The following MAML3 variants were observed in gnomAD, a reference collection of about 807,000 sequenced individuals.
MAML3 encodes mastermind like transcriptional coactivator 3.
In MAML3, 27 loss-of-function variants were observed where a neutral mutation model predicts 101.9. The ratio of observed to expected loss-of-function variants is 0.27; its 90% CI spans 0.20 to 0.37. The LOEUF is 0.37. MAML3 is among the 10% of genes least tolerant of loss of function. The pLI, the probability that MAML3 is intolerant of heterozygous loss-of-function variation, is 1.00. For synonymous variants in MAML3, 501 were observed against 555.9 expected (o/e 0.90, Z 1.39); for missense variants, 1,316 against 1,444.9 (o/e 0.91, Z 1.45).
At chr4:140,012,492 T>C (rs1459585841) in intron 1 of MAML3, among the ~76,000 whole-genome samples, 1 of 152,242 alleles carries the variant, frequency 6.6e-6, no homozygotes, top group African/African-American at 2.4e-5. Flanking sequence ...ACTTTACTCC[T>C]GTCCAAGGCC....
chr4:140,011,334 C>G (rs1199332860), intron 1 of MAML3, among the ~76,000 whole-genome samples: 2 of 81,016 alleles, frequency 2.5e-5, no homozygotes, highest in Non-Finnish European at 6.0e-5. Context: ...TCAAGGTTTT[C>G]TTGTTTTGTT....
chr4:139,788,189 C>A (rs1049192380), intron 2 of MAML3, among the ~76,000 whole-genome samples: 5 of 152,182 alleles, frequency 3.3e-5, no homozygotes, highest in African/African-American at 1.2e-4. Context: ...ATTGAAAACT[C>A]AGTGAGAAAT....
At chr4:139,798,080 GAA>G (rs1035249341) in intron 2 of MAML3, among the ~76,000 whole-genome samples, 1 of 131,932 alleles carries the variant, frequency 7.6e-6, no homozygotes, top group Non-Finnish European at 1.6e-5. Flanking sequence ...AAGAAAGAAA[GAA>G]AGAAAGAAAG....
At chr4:139,813,863 T>A (rs1221860101) in intron 2 of MAML3, among the ~76,000 whole-genome samples, 1 of 151,976 alleles carries the variant, frequency 6.6e-6, no homozygotes, top group Non-Finnish European at 1.5e-5. Context: ...TGAGAGAAGA[T>A]TCACCCTTCT....
At chr4:139,822,876 T>G (rs1255981195) in intron 2 of MAML3, among the ~76,000 whole-genome samples, 1 of 152,220 alleles carries the variant, frequency 6.6e-6, no homozygotes. Flanking sequence ...AGCACAGCCC[T>G]GATTCTGAAG....
intron 1 of MAML3, among the ~76,000 whole-genome samples, chr4:140,065,962 A>T (rs28458428): frequency 0.028 from 4,266 of 152,244 alleles, 195 homozygotes; most frequent in African/African-American, 0.096. Context: ...AAAAGGATTT[A>T]CTCAAAGTTT....
intron 2 of MAML3, among the ~76,000 whole-genome samples, chr4:139,803,641 C>T (rs1730649473): frequency 6.6e-6 from 1 of 152,068 alleles, no homozygotes; most frequent in African/African-American, 2.4e-5. Flanking sequence ...TGCCACATAC[C>T]CCCACTGTGC....
chr4:140,063,358 G>A (rs1338106916), intron 1 of MAML3, among the ~76,000 whole-genome samples: 1 of 152,166 alleles, frequency 6.6e-6, no homozygotes, highest in African/African-American at 2.4e-5. Context: ...AGTATTTAAA[G>A]ATGCATAGAT....
At chr4:140,102,058 T>C (rs1035742090) in intron 1 of MAML3, among the ~76,000 whole-genome samples, 2 of 152,196 alleles carry the variant, frequency 1.3e-5, no homozygotes, top group Non-Finnish European at 2.9e-5. Flanking sequence ...AAACTTAACA[T>C]GTATAAATGA....
At chr4:139,849,200 C>A (rs1411526618) in intron 2 of MAML3, among the ~76,000 whole-genome samples, 3 of 152,082 alleles carry the variant, frequency 2.0e-5, no homozygotes, top group African/African-American at 7.2e-5. Flanking sequence ...AAATAATGAA[C>A]AAACATAGGT....
At chr4:139,894,557 AAG>A (rs895313065) in intron 1 of MAML3, among the ~76,000 whole-genome samples, 2 of 148,608 alleles carry the variant, frequency 1.3e-5, no homozygotes, top group Non-Finnish European at 3.0e-5. Context: ...GAAAGAAAGA[AAG>A]AAAGAAAAGT....
chr4:140,027,975 T>G (rs943001352), intron 1 of MAML3, among the ~76,000 whole-genome samples: 2 of 152,214 alleles, frequency 1.3e-5, no homozygotes, highest in African/African-American at 2.4e-5. Flanking sequence ...ACCTCATAGA[T>G]GTTCACATAT....
chr4:139,935,008 G>T (rs962002320), intron 1 of MAML3, among the ~76,000 whole-genome samples: 1 of 152,030 alleles, frequency 6.6e-6, no homozygotes, highest in Non-Finnish European at 1.5e-5. Flanking sequence ...TTAGCAAAAG[G>T]TATCAGTTTG....
chr4:139,865,486 T>C (rs578236532), intron 2 of MAML3, among the ~76,000 whole-genome samples: 8 of 18,500 alleles, frequency 4.3e-4, no homozygotes, highest in Admixed American at 7.2e-4. Context: ...CTGTAAAAGG[T>C]TTTTTTTTTG....
intron 1 of MAML3, among the ~76,000 whole-genome samples, chr4:140,138,885 G>T (rs1728939484): frequency 6.6e-6 from 1 of 152,180 alleles, no homozygotes; most frequent in African/African-American, 2.4e-5. Flanking sequence ...AGAAAATTTT[G>T]TTGAATTCTG....
At chr4:139,737,446 T>C (rs1299268451) in intron 2 of MAML3, among the ~76,000 whole-genome samples, 7 of 152,004 alleles carry the variant, frequency 4.6e-5, no homozygotes, top group East Asian at 1.9e-4. Context: ...CAGGAGGATG[T>C]TGGAATAAAA....
chr4:139,997,481 ATATAT>A (rs1378354399), intron 1 of MAML3, among the ~76,000 whole-genome samples: 2 of 150,254 alleles, frequency 1.3e-5, no homozygotes, highest in South Asian at 2.1e-4. Flanking sequence ...TTACTGTGAT[ATATAT>A]TATATGTCAT....
chr4:140,106,071 C>T (rs1018401848), intron 1 of MAML3, among the ~76,000 whole-genome samples: 2 of 137,554 alleles, frequency 1.5e-5, no homozygotes, highest in South Asian at 2.4e-4. Context: ...AGGAATCACT[C>T]GTCGTCTTTA....
At chr4:139,969,266 C>A (rs925718128) in intron 1 of MAML3, among the ~76,000 whole-genome samples, 5 of 151,540 alleles carry the variant, frequency 3.3e-5, no homozygotes, top group African/African-American at 1.2e-4. Flanking sequence ...CCCACCATCC[C>A]CGCCGTGGGA....
Sources: allele counts gnomAD v4.1 joint callset (sites outside exome capture counted in the v4.1 genomes callset), GRCh38; gene constraint gnomAD v4.1.1; transcripts MANE v1.5; gene names NCBI Gene and HGNC (gene_info 2026-07-23, HGNC 2026-07-21).